TBC1D10A: variants seen among roughly 807,000 people sequenced by gnomAD.
The protein encoded by TBC1D10A is TBC1 domain family member 10A.
In TBC1D10A, 24 loss-of-function variants were observed where a neutral mutation model predicts 52.9. The observed-to-expected ratio is 0.45, with a 90% CI of 0.33 to 0.64. The LOEUF (loss-of-function observed/expected upper bound fraction) is 0.64, where lower values mean the gene tolerates loss of function less well. Ranked by LOEUF, TBC1D10A falls within the 30% of genes least tolerant of loss-of-function variation. TBC1D10A has a pLI of 0.02. For missense variants in TBC1D10A, 602 were observed against 687.9 expected (o/e 0.88, Z 1.40); for synonymous variants, 278 against 282.9 (o/e 0.98, Z 0.17).
At chr22:30,317,948 G>A (rs1420574948) in intron 1 of TBC1D10A, among the ~76,000 whole-genome samples, 1 of 152,152 alleles carries the variant, frequency 6.6e-6, no homozygotes, top group Non-Finnish European at 1.5e-5. Context: ...GGTTGGGTGA[G>A]GGATGTGCCT....
chr22:30,318,615 T>C (rs749212288), intron 1 of TBC1D10A: 2 of 471,170 alleles, frequency 4.2e-6, no homozygotes, highest in Non-Finnish European at 8.8e-6. Context: ...GAATGGACTC[T>C]GTAAGAGGCC....
intron 3 of TBC1D10A, chr22:30,296,474 C>G (rs1229187619): frequency 1.3e-5 from 2 of 152,216 alleles, no homozygotes; most frequent in Admixed American, 6.5e-5. Context: ...CGTCAACTAT[C>G]CAGGAAGCCA....
chr22:30,326,555 G>A, intron 1 of TBC1D10A, 118 bp downstream of exon 1: 4 of 980,716 alleles, frequency 4.1e-6, no homozygotes, highest in South Asian at 3.4e-5. Flanking sequence ...GAGGGAACGG[G>A]GATTAGTGGT....
chr22:30,321,264 T>C (rs755763557), intron 1 of TBC1D10A, among the ~76,000 whole-genome samples: 1 of 152,196 alleles, frequency 6.6e-6, no homozygotes, highest in Non-Finnish European at 1.5e-5. Flanking sequence ...GCCTGCAGTC[T>C]AGAGTCACAG....
In TBC1D10A at chr22:30,294,175, C is replaced by CCCCAGCA. The variant is rs567567879; in HGVS notation, c.706-72_706-66dup. The stretch of plus-strand genomic sequence containing the variant: ...TGCAGGAGCCAGGGCAGAGACTACA[C>CCCCAGCA]CCCAGCACCCAGCACCCAGCACCCA... On this transcript the variant is annotated intron_variant, in intron 6 of 8. Transcript: ENST00000215790. The CCCCAGCA allele has an allele frequency of 1.4e-3, 2,234 of 1,567,402 alleles. 3 individuals carry two copies. The highest frequency in any genetic ancestry group is 1.8e-3 in the Non-Finnish European group (2,125 of 1,150,134).
In TBC1D10A at chr22:30,297,998, A is replaced by G. The variant is rs1270474822; in HGVS notation, c.417+1446T>C. 2 of 152,342 alleles carry G rather than the reference A, an allele frequency of 1.3e-5. No individual in the cohort carries two copies. Among genetic ancestry groups the G allele is most frequent in the Non-Finnish European group, 2.9e-5 (2 of 68,140 alleles). The allele number at this position is 152,342 out of a possible 1,614,324, so 9.4% of individuals were successfully genotyped here. On this transcript the variant is annotated intron_variant, in intron 3 of 8. Coordinates refer to ENST00000215790, the MANE Select transcript of TBC1D10A (RefSeq NM_031937.3). This position sits in a 1 kb window ranked among gnomAD's most constrained non-coding sequence, Gnocchi z 4.3. ...GGTGCATCAAGAAGGCCTTCTCTGC[A>G]AATCCACCTCCTCACACAAGCAACT...
chr22:30,293,828 G>A, intron 7 of TBC1D10A, 23 bp from the exon 8 acceptor site: 1 of 1,604,016 alleles, frequency 6.2e-7, no homozygotes, highest in Non-Finnish European at 8.5e-7. Context: ...TGGGCAGTAA[G>A]TACAAGGAAG....
chr22:30,326,794 G>T lies in TBC1D10A; in HGVS notation c.88C>A (p.Pro30Thr). Residue 30 changes from proline to threonine, a missense_variant, in exon 1 of 9, where the codon CCC becomes ACC. Transcript: ENST00000215790. ...AGTTCGTCGGTGGTTGCGGCGTCGG[G>T]GCCCTGGGCCAGGCTCTCCCGGGTT... ...SGTRESLAQG[P>T]DAATTDELSS... 1 of 1,495,446 alleles carries T rather than the reference G, an allele frequency of 6.7e-7. No individual in the cohort carries two copies. 92.6% of individuals were successfully genotyped at this position (1,495,446 alleles called of 1,614,324 possible).
chr22:30,326,803 C>T lies in TBC1D10A; in HGVS notation c.79G>A (p.Ala27Thr). The change falls in exon 1 of 9, where the codon GCC becomes ACC. Residue 27 changes from alanine (A) to threonine (T), a missense_variant. This residue lies in a region of TBC1D10A where 201 missense variants were observed against 204.4 expected (regional missense o/e 0.98). Transcript: ENST00000215790. ...ESLSGTRESL[A>T]QGPDAATTDE... ...GTGGTTGCGGCGTCGGGGCCCTGGG[C>T]CAGGCTCTCCCGGGTTCCCGACAGG... The T allele has an allele frequency of 6.7e-7, 1 of 1,486,590 alleles. No individual in the cohort carries two copies. The allele number at this position is 1,486,590 out of a possible 1,614,324, so 92.1% of individuals were successfully genotyped here. A position where few individuals can be genotyped will look rare whatever the true frequency, so the allele number is the denominator to read the frequency against.
rs778425085 is a variant in TBC1D10A at position 30,326,912 on chromosome 22, G to A, written c.-31C>T. The A allele has an allele frequency of 3.5e-6, 5 of 1,443,762 alleles. No homozygotes were observed. Among genetic ancestry groups the A allele is most frequent in the Non-Finnish European group, 4.5e-6 (5 of 1,102,668 alleles). The allele number at this position is 1,443,762 out of a possible 1,614,324, so 89.4% of individuals were successfully genotyped here. On this transcript the variant is annotated 5_prime_UTR_variant, in exon 1 of 9. Coordinates refer to ENST00000215790, the MANE Select transcript of TBC1D10A (RefSeq NM_031937.3). ...CCGCGCCCGCCGCCTGAGCTCCAGCGGCCACCTCAGCCGCCCTGCTGCCGC... is the reference window on the plus strand; with the variant it reads ...CCGCGCCCGCCGCCTGAGCTCCAGCAGCCACCTCAGCCGCCCTGCTGCCGC...
At position 30,326,829 on chromosome 22, in the gene TBC1D10A, C is replaced by CT. The variant is rs1373731142; in HGVS notation, c.52dup (p.Ser18LysfsTer27). 2.0e-6 allele frequency: 3 copies of CT among 1,472,770 alleles called. No individual in the cohort carries two copies. The highest frequency in any genetic ancestry group is 2.7e-6 in the Non-Finnish European group (3 of 1,118,254). 91.2% of individuals were successfully genotyped at this position (1,472,770 alleles called of 1,614,324 possible). On this transcript the variant is annotated frameshift_variant, in exon 1 of 9. Transcript: ENST00000215790. LOFTEE classifies it high-confidence loss of function. ...CAGGCTCTCCCGGGTTCCCGACAGG[C>CT]TTTCCCCGGCCGCGGGCGCGCGCGG... is the stretch of plus-strand genomic sequence containing the variant.
chr22:30,319,161 G>C (rs1441813778), intron 1 of TBC1D10A, among the ~76,000 whole-genome samples: 2 of 152,320 alleles, frequency 1.3e-5, no homozygotes, highest in East Asian at 1.9e-4. Context: ...GGACTGCCCT[G>C]CTTTGCCTCT....
chr22:30,315,099 G>A (rs999860048), intron 1 of TBC1D10A, among the ~76,000 whole-genome samples: 3 of 152,146 alleles, frequency 2.0e-5, no homozygotes, highest in Non-Finnish European at 2.9e-5. Flanking sequence ...CTCATGGGGG[G>A]ATTCCCAACC....
At chr22:30,299,151 C>A in intron 3 of TBC1D10A, 1 of 312,322 alleles carries the variant, frequency 3.2e-6, no homozygotes, top group South Asian at 4.1e-5. Context: ...CCCAGGAAAG[C>A]AAAACCTGAG....
At chr22:30,299,391 G>T in intron 3 of TBC1D10A, 53 bp downstream of exon 3, 2 of 1,564,554 alleles carry the variant, frequency 1.3e-6, no homozygotes, top group Non-Finnish European at 1.8e-6. Context: ...CCGCCATGGG[G>T]AGGACGCCAA....
At chr22:30,309,513 C>T (rs1401165812) in intron 1 of TBC1D10A, among the ~76,000 whole-genome samples, 3 of 152,170 alleles carry the variant, frequency 2.0e-5, no homozygotes, top group East Asian at 1.9e-4. Flanking sequence ...CATGAGCCAC[C>T]GCACCCGGCC....
chr22:30,302,174 T>C (rs1031897227), intron 2 of TBC1D10A, among the ~76,000 whole-genome samples: 4 of 152,318 alleles, frequency 2.6e-5, no homozygotes, highest in Middle Eastern at 3.4e-3. Context: ...ATCTCTACCC[T>C]GCCTGCCTTA....
chr22:30,295,633 G>T, intron 4 of TBC1D10A, 104 bp downstream of exon 4: 2 of 1,086,452 alleles, frequency 1.8e-6, no homozygotes, highest in Non-Finnish European at 2.8e-6. Flanking sequence ...GAGTGGAGTT[G>T]GGGGCACCGA....
intron 1 of TBC1D10A, among the ~76,000 whole-genome samples, chr22:30,318,163 T>A (rs960527465): frequency 6.6e-6 from 1 of 152,320 alleles, no homozygotes; most frequent in East Asian, 1.9e-4. Flanking sequence ...GCACCACCTC[T>A]AAGAACAGAA....
Sources: gnomAD v4.1 joint callset for allele counts (sites outside exome capture counted in the v4.1 genomes callset) on GRCh38, gnomAD v4.1.1 for gene constraint, gnomAD v4.1.1 regional missense constraint, Gnocchi (gnomAD v3.1) non-coding constraint, MANE v1.5 for transcripts, NCBI Gene and HGNC (gene_info 2026-07-23, HGNC 2026-07-21) for gene names.